The following FGD5 variants were observed in gnomAD, a reference collection of about 807,000 sequenced individuals.
FGD5 encodes the protein FYVE, RhoGEF and PH domain containing 5.
Under a neutral mutation model 133.4 loss-of-function variants are expected in FGD5, and 28 were observed. The observed-to-expected ratio is 0.21, with a 90% CI of 0.16 to 0.29. The LOEUF (loss-of-function observed/expected upper bound fraction) is 0.29, where lower values mean the gene tolerates loss of function less well. Among genes scored for constraint, FGD5 ranks in the 10% least tolerant of loss-of-function variants. FGD5 has a pLI of 1.00. For synonymous variants in FGD5, 810 were observed against 776.5 expected, an observed-to-expected ratio of 1.04 and a Z score of -0.72; for missense variants, 1,858 against 1,895.2, an observed-to-expected ratio of 0.98 and a Z score of 0.36.
At chr3:14,832,830 C>G (rs1191509202) in intron 1 of FGD5, among the ~76,000 whole-genome samples, 5 of 152,124 alleles carry the variant, frequency 3.3e-5, no homozygotes, top group Non-Finnish European at 7.3e-5. Flanking sequence ...CAGAGACTGT[C>G]CATTTGCCTG....
intron 4 of FGD5, among the ~76,000 whole-genome samples, chr3:14,893,557 A>G (rs1276052335): frequency 6.6e-6 from 1 of 152,090 alleles, no homozygotes; most frequent in Non-Finnish European, 1.5e-5. Context: ...TATATTGCCC[A>G]GGCTAGTCTT....
At chr3:14,875,393 C>G (rs927086433) in intron 2 of FGD5, among the ~76,000 whole-genome samples, 1 of 152,108 alleles carries the variant, frequency 6.6e-6, no homozygotes, top group African/African-American at 2.4e-5. Flanking sequence ...AGCCTGTGAC[C>G]TAGAGATGTT....
intron 1 of FGD5, among the ~76,000 whole-genome samples, chr3:14,846,789 T>C (rs1199539794): frequency 6.6e-6 from 1 of 152,238 alleles, no homozygotes; most frequent in East Asian, 1.9e-4. Context: ...TTCTTCTCTT[T>C]GTTGGAGGTG....
intron 18 of FGD5, 34 bp from the exon 19 acceptor site, chr3:14,932,543 G>GT (rs771484414): frequency 6.2e-7 from 1 of 1,601,798 alleles, no homozygotes; most frequent in Non-Finnish European, 8.5e-7. Flanking sequence ...AGAGTGTGGT[G>GT]TTTAATGTCA....
At chr3:14,850,680 A>G (rs2037143785) in intron 1 of FGD5, among the ~76,000 whole-genome samples, 1 of 152,124 alleles carries the variant, frequency 6.6e-6, no homozygotes, top group Non-Finnish European at 1.5e-5. Context: ...TTAATATAGG[A>G]ACGTAAATTA....
At chr3:14,894,691 T>C (rs1401481332) in intron 4 of FGD5, among the ~76,000 whole-genome samples, 1 of 150,748 alleles carries the variant, frequency 6.6e-6, no homozygotes, top group Non-Finnish European at 1.5e-5. Flanking sequence ...TTTTTTTTTT[T>C]TTAGATACGA....
chr3:14,843,909 G>C, intron 1 of FGD5, among the ~76,000 whole-genome samples: 1 of 151,396 alleles, frequency 6.6e-6, no homozygotes, highest in Non-Finnish European at 1.5e-5. Context: ...TGGCCAGGCT[G>C]GTCTCAAACT....
chr3:14,913,048 A>T (rs1483571576), intron 11 of FGD5, among the ~76,000 whole-genome samples: 1 of 151,996 alleles, frequency 6.6e-6, no homozygotes, highest in East Asian at 1.9e-4. Flanking sequence ...AAAAAAAAAA[A>T]ATTCTCTCCA....
At position 14,923,893 on chromosome 3, in the gene FGD5, C is replaced by T. The variant is rs1201611046; in HGVS notation, c.3938-115C>T. On this transcript the variant is annotated intron_variant, in intron 16 of 19. Transcript: ENST00000285046. ...AGGAAGAGTGCTTGACTTTCAGGTC[C>T]CACTTAACCCCCATGGCTCACATTC... 4 of 1,300,570 alleles carry T rather than the reference C, an allele frequency of 3.1e-6. No homozygotes were observed. In the African/African-American group the frequency reaches 4.4e-5, roughly 14 times the overall value. 80.6% of individuals were successfully genotyped at this position (1,300,570 alleles called of 1,614,324 possible).
chr3:14,857,448 C>T (rs2037306100), intron 1 of FGD5, among the ~76,000 whole-genome samples: 1 of 152,172 alleles, frequency 6.6e-6, no homozygotes, highest in African/African-American at 2.4e-5. Context: ...AGCCACTGAG[C>T]CCTACTGAAA....
At chr3:14,886,730 G>A (rs1381420341) in intron 4 of FGD5, among the ~76,000 whole-genome samples, 2 of 152,082 alleles carry the variant, frequency 1.3e-5, no homozygotes, top group Non-Finnish European at 2.9e-5. Context: ...ATTTTCATGC[G>A]GCTCACAATA....
intron 1 of FGD5, among the ~76,000 whole-genome samples, chr3:14,849,819 A>T (rs1559479319): frequency 6.6e-6 from 1 of 152,128 alleles, no homozygotes; most frequent in Non-Finnish European, 1.5e-5. Context: ...GTGGTTGGGA[A>T]GAAGCCATAG....
chr3:14,900,109 G>A lies in FGD5; in HGVS notation c.3155-294G>A, dbSNP rs2125134290. Among the ~76,000 whole-genome samples the A allele has an allele frequency of 1.3e-5, 2 of 152,322 alleles. No individual in the cohort carries two copies. The highest frequency in any genetic ancestry group is 1.9e-4 in the East Asian group (1 of 5,188). On this transcript the variant is annotated intron_variant, in intron 7 of 19. Coordinates refer to ENST00000285046, the MANE Select transcript of FGD5 (RefSeq NM_152536.4). ...GATTGCCATGTCTGTCGCCCCCAGT[G>A]GGCTGTGATGGATTCACCTTGTTGT...
intron 4 of FGD5, among the ~76,000 whole-genome samples, chr3:14,886,044 A>G (rs889864455): frequency 6.6e-6 from 1 of 152,248 alleles, no homozygotes; most frequent in African/African-American, 2.4e-5. Context: ...TTCTTGTGAA[A>G]TAAATCCAGA....
chr3:14,852,573 A>G (rs1280272409), intron 1 of FGD5, among the ~76,000 whole-genome samples: 1 of 152,208 alleles, frequency 6.6e-6, no homozygotes, highest in Non-Finnish European at 1.5e-5. Context: ...ATATTTCATG[A>G]TATGTGACTC....
chr3:14,886,132 A>G (rs928388416), intron 4 of FGD5, among the ~76,000 whole-genome samples: 1 of 152,198 alleles, frequency 6.6e-6, no homozygotes, highest in African/African-American at 2.4e-5. Context: ...TCCATTTCCA[A>G]GGTTTCTCAT....
At chr3:14,865,732 C>T (rs368389673) in intron 2 of FGD5, among the ~76,000 whole-genome samples, 24 of 152,298 alleles carry the variant, frequency 1.6e-4, no homozygotes, top group East Asian at 1.2e-3. Flanking sequence ...GTAACTTGCC[C>T]AAGGCCACAC....
chr3:14,877,233 C>T (rs1263417952), intron 2 of FGD5, among the ~76,000 whole-genome samples: 3 of 152,254 alleles, frequency 2.0e-5, no homozygotes, highest in African/African-American at 4.8e-5. Flanking sequence ...TTTCTGCGTG[C>T]CTCGGGCACA....
chr3:14,906,488 C>T (rs1246148266), intron 9 of FGD5, among the ~76,000 whole-genome samples: 2 of 152,226 alleles, frequency 1.3e-5, no homozygotes, highest in Non-Finnish European at 2.9e-5. Context: ...CTGGCCTCCT[C>T]CTGGAACTGA....
Sources: gnomAD v4.1 joint callset for allele counts (sites outside exome capture counted in the v4.1 genomes callset) on GRCh38, gnomAD v4.1.1 for gene constraint, MANE v1.5 for transcripts, NCBI Gene and HGNC (gene_info 2026-07-23, HGNC 2026-07-21) for gene names.